The following ZDHHC20 variants were observed in gnomAD, a reference collection of about 807,000 sequenced individuals.
ZDHHC20 encodes the protein palmitoyltransferase ZDHHC20.
In ZDHHC20, 43 loss-of-function variants were observed where a neutral mutation model predicts 57.8. The observed-to-expected ratio is 0.74, with a 90% CI of 0.58 to 0.96. The LOEUF is 0.96. Ranked by LOEUF, ZDHHC20 falls within the 40% of genes least tolerant of loss-of-function variation. ZDHHC20 has a pLI of 0.00. For missense variants in ZDHHC20, 391 were observed against 441.1 expected (o/e 0.89, Z 1.02); for synonymous variants, 157 against 153.0 (o/e 1.03, Z -0.19).
intron 7 of ZDHHC20, among the ~76,000 whole-genome samples, chr13:21,398,991 A>G (rs544153071): frequency 6.6e-6 from 1 of 152,356 alleles, no homozygotes; most frequent in South Asian, 2.1e-4. Context: ...AAAGGAATTA[A>G]TATTATCTTG....
chr13:21,423,530 T>C (rs1240633943), intron 2 of ZDHHC20, among the ~76,000 whole-genome samples: 2 of 151,952 alleles, frequency 1.3e-5, no homozygotes, highest in Non-Finnish European at 2.9e-5. Flanking sequence ...AAAAATTAGC[T>C]GGGCGTAGTG....
At chr13:21,397,566 G>C (rs1876996321) in intron 7 of ZDHHC20, among the ~76,000 whole-genome samples, 1 of 151,916 alleles carries the variant, frequency 6.6e-6, no homozygotes, top group South Asian at 2.1e-4. Flanking sequence ...GGGGCTTGAG[G>C]CAGGGGATTG....
At chr13:21,401,386 T>C (rs1022413724) in intron 6 of ZDHHC20, among the ~76,000 whole-genome samples, 1 of 152,214 alleles carries the variant, frequency 6.6e-6, no homozygotes, top group African/African-American at 2.4e-5. Context: ...GGTGTCTTAA[T>C]TGTGAATGTT....
chr13:21,451,636 T>C (rs1884447292), intron 1 of ZDHHC20, among the ~76,000 whole-genome samples: 1 of 152,084 alleles, frequency 6.6e-6, no homozygotes, highest in African/African-American at 2.4e-5. Flanking sequence ...GAAATACTGA[T>C]ACATAATACA....
In ZDHHC20 at chr13:21,378,687, T is replaced by C. The variant is rs1450788140; in HGVS notation, c.*14A>G. On this transcript the variant is annotated 3_prime_UTR_variant, in exon 12 of 13. Transcript: ENST00000400590. ...TTGCTCTTATTCAAATGGTTAGTTA[T>C]GAACAAGTGGTACTCAATTTTCTAT... 8 of 1,461,312 alleles carry C rather than the reference T, an allele frequency of 5.5e-6. No homozygotes were observed. Among genetic ancestry groups the C allele is most frequent in the Non-Finnish European group, 7.3e-6 (8 of 1,098,690 alleles). The allele number at this position is 1,461,312 out of a possible 1,614,324, so 90.5% of individuals were successfully genotyped here.
chr13:21,455,879 G>C (rs906865380), intron 1 of ZDHHC20, among the ~76,000 whole-genome samples: 1 of 152,086 alleles, frequency 6.6e-6, no homozygotes, highest in Admixed American at 6.5e-5. Flanking sequence ...TGAGTGTCCA[G>C]ATCTGGACAC....
chr13:21,447,738 C>T (rs1275670467), intron 1 of ZDHHC20, among the ~76,000 whole-genome samples: 3 of 95,968 alleles, frequency 3.1e-5, no homozygotes, highest in African/African-American at 1.1e-4. Context: ...TCTGCCTGGC[C>T]GCCCATCGTC....
rs138194087 is a variant in ZDHHC20, at chr13:21,421,070, G to A, written c.240C>T (p.Pro80=). 1 of 1,611,898 alleles carries A rather than the reference G, an allele frequency of 6.2e-7. No individual in the cohort carries two copies. The highest frequency in any genetic ancestry group is 1.3e-5 in the African/African-American group (1 of 74,982). Residue 80 remains proline (P), a synonymous_variant, in exon 3 of 13, where the codon CCC becomes CCT. Coordinates refer to ENST00000400590, the MANE Select transcript of ZDHHC20 (RefSeq NM_001330059.2). The part of the protein sequence containing the change: ...WMTIFTSPAS[P]SKEFYLSNSE... ...CCAACATTAAATTTACCTCTTTGGA[G>A]GGGGAAGCGGGAGATGTGAAAATTG... is the stretch of plus-strand genomic sequence containing the variant.
intron 4 of ZDHHC20, among the ~76,000 whole-genome samples, chr13:21,409,940 T>C (rs1878982448): frequency 6.6e-6 from 1 of 152,216 alleles, no homozygotes; most frequent in Admixed American, 6.5e-5. Flanking sequence ...CAAGGAGTTG[T>C]GACCCTTTGG....
At chr13:21,385,994 T>A (rs984639661) in intron 9 of ZDHHC20, among the ~76,000 whole-genome samples, 7 of 152,176 alleles carry the variant, frequency 4.6e-5, no homozygotes, top group African/African-American at 1.4e-4. Context: ...CAAAATCCTA[T>A]CGACTTAGAA....
chr13:21,451,785 T>C (rs1884462653), intron 1 of ZDHHC20, among the ~76,000 whole-genome samples: 1 of 151,144 alleles, frequency 6.6e-6, no homozygotes, highest in South Asian at 2.1e-4. Context: ...AGGTCAGGAG[T>C]TCAAGACTAG....
At chr13:21,388,541 T>C (rs1412997079) in intron 8 of ZDHHC20, among the ~76,000 whole-genome samples, 3 of 152,042 alleles carry the variant, frequency 2.0e-5, no homozygotes, top group Non-Finnish European at 4.4e-5. Flanking sequence ...GATGTGAAGA[T>C]GAGAGTTTAC....
chr13:21,419,187 G>T (rs1304134512), intron 3 of ZDHHC20, among the ~76,000 whole-genome samples: 2 of 152,046 alleles, frequency 1.3e-5, no homozygotes, highest in African/African-American at 4.8e-5. Flanking sequence ...AACTTTAAGG[G>T]TTGACTAATT....
chr13:21,423,709 A>G (rs1201425990), intron 2 of ZDHHC20, among the ~76,000 whole-genome samples: 1 of 150,420 alleles, frequency 6.6e-6, no homozygotes, highest in Non-Finnish European at 1.5e-5. Flanking sequence ...TATATATTAT[A>G]TGTATATTTT....
intron 9 of ZDHHC20, among the ~76,000 whole-genome samples, 160 bp downstream of exon 9, chr13:21,387,344 AAAAT>A (rs1874725889): frequency 6.6e-6 from 1 of 152,120 alleles, no homozygotes; most frequent in Non-Finnish European, 1.5e-5. Context: ...TAAAAAATGA[AAAAT>A]AAAATATTTT....
At chr13:21,444,532 TTA>T (rs1298146114) in intron 1 of ZDHHC20, among the ~76,000 whole-genome samples, 1 of 152,172 alleles carries the variant, frequency 6.6e-6, no homozygotes, top group African/African-American at 2.4e-5. Flanking sequence ...AAAAAATACA[TTA>T]TATATGATAA....
At chr13:21,401,890 A>T (rs1010932164) in intron 5 of ZDHHC20, among the ~76,000 whole-genome samples, 3 of 152,250 alleles carry the variant, frequency 2.0e-5, no homozygotes, top group African/African-American at 7.2e-5. Context: ...CTGGGAATTC[A>T]GCTGAACATA....
At chr13:21,389,739 C>T (rs899590936) in intron 8 of ZDHHC20, among the ~76,000 whole-genome samples, 6 of 152,268 alleles carry the variant, frequency 3.9e-5, no homozygotes, top group Admixed American at 2.6e-4. Context: ...CTATCTTGGG[C>T]AGTCCACCAC....
intron 1 of ZDHHC20, among the ~76,000 whole-genome samples, chr13:21,448,194 G>A (rs1883992259): frequency 9.3e-6 from 1 of 107,538 alleles, no homozygotes; most frequent in African/African-American, 3.2e-5. Context: ...GGGAGGTGGG[G>A]GGGGTCAGCC....
Sources: allele counts gnomAD v4.1 joint callset (sites outside exome capture counted in the v4.1 genomes callset), GRCh38; gene constraint gnomAD v4.1.1; transcripts MANE v1.5; gene names NCBI Gene and HGNC (gene_info 2026-07-23, HGNC 2026-07-21).